The following MNAT1 variants were observed in gnomAD, a reference collection of about 807,000 sequenced individuals.
MNAT1 encodes the protein MNAT1 component of CDK activating kinase.
Under a neutral mutation model 42.0 loss-of-function variants are expected in MNAT1, and 43 were observed. The ratio of observed to expected loss-of-function variants is 1.02; its 90% CI spans 0.80 to 1.32. The LOEUF is 1.32. Ranked by LOEUF, MNAT1 falls within the 40% of genes most tolerant of loss-of-function variation. The pLI is 0.00. For synonymous variants in MNAT1, 118 were observed against 120.0 expected (o/e 0.98, Z 0.11); for missense variants, 306 against 350.4 (o/e 0.87, Z 1.01).
In MNAT1 at chr14:60,967,160, C is replaced by T. The variant is rs571770577; in HGVS notation, c.810-1069C>T. Among the ~76,000 whole-genome samples the T allele has an allele frequency of 1.4e-3, 215 of 152,204 alleles. 1 individual carries two copies. The highest frequency in any genetic ancestry group is 6.8e-3 in the Middle Eastern group (2 of 294). ...CTTGACCCATTTTTTCTACTGGACT[C>T]TTATATTGCTCTATATGTTTTAGCT... On this transcript the variant is annotated intron_variant, in intron 7 of 7. Coordinates refer to ENST00000261245, the MANE Select transcript of MNAT1 (RefSeq NM_002431.4).
chr14:60,782,961 C>G (rs1007610284), intron 1 of MNAT1, among the ~76,000 whole-genome samples: 5 of 152,168 alleles, frequency 3.3e-5, no homozygotes, highest in African/African-American at 1.2e-4. Flanking sequence ...TCCCTGAAGG[C>G]AGGGATAAAA....
intron 7 of MNAT1, among the ~76,000 whole-genome samples, chr14:60,887,520 G>T (rs2139478645): frequency 6.6e-6 from 1 of 151,070 alleles, no homozygotes; most frequent in Middle Eastern, 3.4e-3. Context: ...TACTGAGAAT[G>T]ATGATTTCCA....
chr14:60,925,245 G>T (rs2035743731), intron 7 of MNAT1, among the ~76,000 whole-genome samples: 1 of 152,094 alleles, frequency 6.6e-6, no homozygotes, highest in African/African-American at 2.4e-5. Context: ...GTCCAGGGGG[G>T]TGAAAAATAA....
At chr14:60,882,909 T>C (rs1203131327) in intron 7 of MNAT1, among the ~76,000 whole-genome samples, 1 of 152,186 alleles carries the variant, frequency 6.6e-6, no homozygotes, top group African/African-American at 2.4e-5. Flanking sequence ...TTCAAATCTT[T>C]TGCCCATTTT....
intron 7 of MNAT1, among the ~76,000 whole-genome samples, chr14:60,883,779 TAG>T (rs1307079110): frequency 6.6e-6 from 1 of 152,046 alleles, no homozygotes; most frequent in African/African-American, 2.4e-5. Flanking sequence ...GTTTTCATAG[TAG>T]AGATCTTTCA....
chr14:60,819,861 C>T (rs1042141116), intron 6 of MNAT1, among the ~76,000 whole-genome samples: 2 of 151,926 alleles, frequency 1.3e-5, no homozygotes, highest in East Asian at 1.9e-4. Context: ...ATCTCATAAA[C>T]GTGTTGGGAA....
At chr14:60,762,278 A>G (rs1036178035) in intron 1 of MNAT1, among the ~76,000 whole-genome samples, 1 of 152,194 alleles carries the variant, frequency 6.6e-6, no homozygotes, top group Non-Finnish European at 1.5e-5. Context: ...TCTGGGCAAG[A>G]CTCAGCTTCA....
intron 7 of MNAT1, among the ~76,000 whole-genome samples, chr14:60,887,201 CT>C (rs1233674162): frequency 7.3e-4 from 11 of 15,056 alleles, no homozygotes; most frequent in Non-Finnish European, 8.4e-4. Context: ...CATATCAGAG[CT>C]GTTTTTTTTT....
At chr14:60,941,290 T>C (rs768829291) in intron 7 of MNAT1, among the ~76,000 whole-genome samples, 13 of 152,246 alleles carry the variant, frequency 8.5e-5, no homozygotes, top group Non-Finnish European at 1.3e-4. Context: ...AATGAATTTA[T>C]GGTCAATACT....
intron 6 of MNAT1, among the ~76,000 whole-genome samples, chr14:60,873,459 ATTTAC>A (rs1372196560): frequency 2.6e-5 from 4 of 151,838 alleles, no homozygotes; most frequent in African/African-American, 9.7e-5. Flanking sequence ...GCAGTTGCAG[ATTTAC>A]TTTATTTTAT....
intron 7 of MNAT1, among the ~76,000 whole-genome samples, chr14:60,939,391 A>C (rs2036085342): frequency 6.6e-6 from 1 of 151,120 alleles, no homozygotes; most frequent in Non-Finnish European, 1.5e-5. Context: ...TTCCCTCTAC[A>C]CACTGCTTTG....
chr14:60,755,516 A>C (rs2030311701), intron 1 of MNAT1, among the ~76,000 whole-genome samples: 1 of 152,224 alleles, frequency 6.6e-6, no homozygotes, highest in Non-Finnish European at 1.5e-5. Context: ...GGCTCAAGCC[A>C]TCCTCCTGCC....
In MNAT1 at chr14:60,811,230, C is replaced by A. The variant is rs143907556; in HGVS notation, c.421-757C>A. On this transcript the variant is annotated intron_variant, in intron 4 of 7. Coordinates refer to ENST00000261245, the MANE Select transcript of MNAT1 (RefSeq NM_002431.4). ...TATTCTGTTGATGATCACTCCTTAT[C>A]ATTTTTAAGCCTCATCCCCACTCTA... is the stretch of plus-strand genomic sequence containing the variant. 7.4e-4 allele frequency among the ~76,000 whole-genome samples: 111 copies of A among 150,972 alleles called. 1 individual carries two copies. Among genetic ancestry groups the A allele is most frequent in the Admixed American group, 3.2e-3 (49 of 15,164 alleles).
intron 7 of MNAT1, among the ~76,000 whole-genome samples, chr14:60,912,306 A>C (rs8003554): frequency 0.064 from 9,719 of 152,010 alleles, 1,034 homozygotes; most frequent in African/African-American, 0.22. Flanking sequence ...TAATTGGAGC[A>C]TTTAGCCCAT....
At chr14:60,775,137 A>G (rs2031202868) in intron 1 of MNAT1, among the ~76,000 whole-genome samples, 1 of 152,220 alleles carries the variant, frequency 6.6e-6, no homozygotes, top group Non-Finnish European at 1.5e-5. Flanking sequence ...AGAAAAAGAA[A>G]CAGAGAAAGA....
intron 6 of MNAT1, among the ~76,000 whole-genome samples, chr14:60,838,871 G>C (rs970491366): frequency 3.3e-5 from 5 of 152,206 alleles, no homozygotes; most frequent in Non-Finnish European, 7.3e-5. Context: ...CCAAGCCTGG[G>C]TGTGGTGGCA....
intron 7 of MNAT1, among the ~76,000 whole-genome samples, chr14:60,897,633 A>G (rs76564589): frequency 1.3e-5 from 2 of 152,064 alleles, no homozygotes; most frequent in Admixed American, 6.6e-5. Flanking sequence ...AATATTTTAC[A>G]TATTTATGGG....
In MNAT1 at chr14:60,798,164, C is replaced by T. The variant is rs767854271; in HGVS notation, c.316+4C>T. 26 of 1,471,248 alleles carry T rather than the reference C, an allele frequency of 1.8e-5. No individual in the cohort carries two copies. The highest frequency in any genetic ancestry group is 1.5e-5 in the Non-Finnish European group (16 of 1,054,364). 91.1% of individuals were successfully genotyped at this position (1,471,248 alleles called of 1,614,324 possible). ...TTGGAAGAAGTGGAAGAAATTGGTA[C>T]GTTTTTAATTTGATGTATGCTAGCC... On this transcript the variant is annotated splice_donor_region_variant and intron_variant, in intron 3 of 7. Coordinates refer to ENST00000261245, the MANE Select transcript of MNAT1 (RefSeq NM_002431.4).
At chr14:60,885,116 C>A (rs1400930939) in intron 7 of MNAT1, among the ~76,000 whole-genome samples, 1 of 151,670 alleles carries the variant, frequency 6.6e-6, no homozygotes, top group East Asian at 1.9e-4. Context: ...AATTCTTTAT[C>A]CTTGACCTTT....
Sources: gnomAD v4.1 joint callset for allele counts (sites outside exome capture counted in the v4.1 genomes callset) on GRCh38, gnomAD v4.1.1 for gene constraint, MANE v1.5 for transcripts, NCBI Gene and HGNC (gene_info 2026-07-23, HGNC 2026-07-21) for gene names.